The following CNTNAP3B variants were observed in gnomAD, a reference collection of about 807,000 sequenced individuals.
CNTNAP3B encodes the protein contactin-associated protein-like 3B.
Under a neutral mutation model 108.9 loss-of-function variants are expected in CNTNAP3B, and 25 were observed. The ratio of observed to expected loss-of-function variants is 0.23; its 90% CI spans 0.17 to 0.32. The LOEUF is 0.32. Ranked by LOEUF, CNTNAP3B falls within the 10% of genes least tolerant of loss-of-function variation. The pLI is 1.00. For synonymous variants in CNTNAP3B, 103 were observed against 473.4 expected, an observed-to-expected ratio of 0.22 and a Z score of 10.16; for missense variants, 252 against 1,210.4, an observed-to-expected ratio of 0.21 and a Z score of 11.75.
At chr9:42,125,405 C>A (rs1442705027) in intron 1 of CNTNAP3B, among the ~76,000 whole-genome samples, 1 of 141,892 alleles carries the variant, frequency 7.0e-6, no homozygotes, top group African/African-American at 2.8e-5. Flanking sequence ...CTGCTGGTTT[C>A]TGAATGCTCT....
At chr9:42,083,021 G>A (rs1360039511) in intron 2 of CNTNAP3B, among the ~76,000 whole-genome samples, 1 of 139,458 alleles carries the variant, frequency 7.2e-6, no homozygotes, top group Non-Finnish European at 1.5e-5. Flanking sequence ...GCTAATAATA[G>A]TTTTTAAAAA....
chr9:42,111,079 TG>T lies in CNTNAP3B; in HGVS notation c.86-6341del, dbSNP rs1225112063. ...TCTGAAGGGGGCTCACCCTACCACC[TG>T]GGGCCAGCACAGGGACAAGCCTCAG... On this transcript the variant is annotated intron_variant, in intron 1 of 23. Coordinates refer to ENST00000377561, the MANE Select transcript of CNTNAP3B (RefSeq NM_001201380.3). 4.3e-5 allele frequency among the ~76,000 whole-genome samples: 6 copies of T among 138,396 alleles called. 2 individuals are homozygous for T. The highest frequency in any genetic ancestry group is 9.3e-5 in the Non-Finnish European group (6 of 64,720). 90.8% of individuals were successfully genotyped at this position (138,396 alleles called of 152,430 possible).
At position 42,053,312 on chromosome 9, in the gene CNTNAP3B, G is replaced by A. The variant is rs562403228; in HGVS notation, c.390+23557C>T. Among the ~76,000 whole-genome samples, 7 of 119,544 alleles carry A rather than the reference G, an allele frequency of 5.9e-5. 1 individual carries two copies. The Admixed American group carries it at 5.9e-4, about 10-fold the overall frequency. The allele number at this position is 119,544 out of a possible 152,430, so 78.4% of individuals were successfully genotyped here. On this transcript the variant is annotated intron_variant, in intron 3 of 23. Coordinates refer to ENST00000377561, the MANE Select transcript of CNTNAP3B (RefSeq NM_001201380.3). ...TGAAATGAGCAATAATATTCTGAAT[G>A]TAAAGATAGCCTAAATGACATGTTT...
chr9:41,926,911 A>G (rs1357373854), intron 15 of CNTNAP3B: 2 of 152,338 alleles, frequency 1.3e-5, no homozygotes, highest in African/African-American at 2.4e-5. Context: ...GTTTTTGAGA[A>G]GTACAGAGTA....
At chr9:42,051,878 A>G (rs1312643500) in intron 3 of CNTNAP3B, among the ~76,000 whole-genome samples, 1 of 152,158 alleles carries the variant, frequency 6.6e-6, no homozygotes, top group Non-Finnish European at 1.5e-5. Flanking sequence ...TTCAGTCAGA[A>G]GTTTAGCTAA....
At chr9:41,934,108 TATATATATATATATACACACAC>T (rs1824069555) in intron 14 of CNTNAP3B, among the ~76,000 whole-genome samples, 1 of 127,556 alleles carries the variant, frequency 7.8e-6, no homozygotes, top group African/African-American at 3.1e-5. Context: ...TACATATATA[TATATATATATATATACACACAC>T]ATATATATAT....
At chr9:41,959,064 C>T (rs1408684800) in intron 12 of CNTNAP3B, among the ~76,000 whole-genome samples, 2 of 142,364 alleles carry the variant, frequency 1.4e-5, no homozygotes, top group Middle Eastern at 3.5e-3. Flanking sequence ...TGGAAGAAAA[C>T]TGTCATTCTG....
chr9:42,056,684 T>G (rs1175185906), intron 3 of CNTNAP3B, among the ~76,000 whole-genome samples: 1 of 136,434 alleles, frequency 7.3e-6, no homozygotes, highest in African/African-American at 2.9e-5. Context: ...TTTTTCTTCA[T>G]GTGGAATGCT....
intron 7 of CNTNAP3B, among the ~76,000 whole-genome samples, chr9:41,995,476 C>T (rs1825877734): frequency 1.5e-5 from 2 of 131,110 alleles, no homozygotes; most frequent in South Asian, 2.5e-4. Context: ...AAAAGTGCGC[C>T]TGTGGTCCTA....
intron 1 of CNTNAP3B, among the ~76,000 whole-genome samples, chr9:42,124,062 G>A (rs1177673897): frequency 7.3e-6 from 1 of 136,798 alleles, no homozygotes; most frequent in Admixed American, 7.3e-5. Context: ...CGTCTTCTTG[G>A]TAATTTAATT....
At chr9:41,966,283 GC>G (rs1825271574) in intron 10 of CNTNAP3B, among the ~76,000 whole-genome samples, 1 of 152,296 alleles carries the variant, frequency 6.6e-6, no homozygotes, top group Admixed American at 6.5e-5. Context: ...AAAAACCACT[GC>G]TGTTTGATAT....
chr9:42,093,388 T>C lies in CNTNAP3B; in HGVS notation c.196+11241A>G, dbSNP rs1268805021. 2.1e-5 allele frequency among the ~76,000 whole-genome samples: 2 copies of C among 95,590 alleles called. 1 individual carries two copies. Among genetic ancestry groups the C allele is most frequent in the East Asian group, 1.1e-3 (2 of 1,806 alleles). The allele number at this position is 95,590 out of a possible 152,430, so 62.7% of individuals were successfully genotyped here. A position where few individuals can be genotyped will look rare whatever the true frequency, so the allele number is the denominator to read the frequency against. On this transcript the variant is annotated intron_variant, in intron 2 of 23. Transcript: ENST00000377561. ...AAACAAATTAAAAAAAAACTACTAA[T>C]TATAATTTTTGCTTCAGCAGCACTC... is the stretch of plus-strand genomic sequence containing the variant.
intron 12 of CNTNAP3B, among the ~76,000 whole-genome samples, chr9:41,959,152 A>C (rs1824973011): frequency 6.8e-6 from 1 of 147,506 alleles, no homozygotes; most frequent in African/African-American, 2.6e-5. Context: ...TGGATCTAAA[A>C]AAATTGGTTA....
intron 12 of CNTNAP3B, among the ~76,000 whole-genome samples, chr9:41,958,315 TG>T (rs1824939641): frequency 6.6e-6 from 1 of 152,200 alleles, no homozygotes; most frequent in African/African-American, 2.4e-5. Context: ...TTGTTGTTTT[TG>T]TTGTTGTTGT....
At chr9:42,123,967 C>T (rs1401964803) in intron 1 of CNTNAP3B, among the ~76,000 whole-genome samples, 2 of 125,258 alleles carry the variant, frequency 1.6e-5, no homozygotes, top group Non-Finnish European at 3.3e-5. Context: ...CAAGTAATAT[C>T]CTCTGTTTTT....
At chr9:42,041,307 A>G (rs1390785394) in intron 3 of CNTNAP3B, among the ~76,000 whole-genome samples, 53 of 147,184 alleles carry the variant, frequency 3.6e-4, no homozygotes, top group African/African-American at 1.3e-3. Context: ...GGCAACCTAC[A>G]ACATGGGAGA....
At chr9:41,916,334 T>C (rs1395917212) in intron 18 of CNTNAP3B, among the ~76,000 whole-genome samples, 5 of 147,036 alleles carry the variant, frequency 3.4e-5, no homozygotes, top group African/African-American at 1.3e-4. Context: ...TACATTGCTT[T>C]TTAAAATAGT....
Position 42,037,590 on chromosome 9 carries a change from A to C in CNTNAP3B, c.391-24065T>G, listed in dbSNP as rs570675638. Among the ~76,000 whole-genome samples the C allele has an allele frequency of 6.0e-3, 711 of 118,802 alleles. 119 individuals carry two copies. Among genetic ancestry groups the C allele is most frequent in the African/African-American group, 0.024 (680 of 28,414 alleles). The allele number at this position is 118,802 out of a possible 152,430, so 77.9% of individuals were successfully genotyped here. On this transcript the variant is annotated intron_variant, in intron 3 of 23. Coordinates refer to ENST00000377561, the MANE Select transcript of CNTNAP3B (RefSeq NM_001201380.3). ...AGAGAAGTTTAGAGAAAAAAGAGTA[A>C]AAAGAAATGAACAAAGCCTCCAAGA...
At chr9:42,061,263 T>C (rs1377455757) in intron 3 of CNTNAP3B, among the ~76,000 whole-genome samples, 1 of 115,750 alleles carries the variant, frequency 8.6e-6, no homozygotes, top group African/African-American at 3.5e-5. Flanking sequence ...TTTGACCCAC[T>C]GGTTGTTCAG....
Sources: gnomAD v4.1 joint callset for allele counts (sites outside exome capture counted in the v4.1 genomes callset) on GRCh38, gnomAD v4.1.1 for gene constraint, MANE v1.5 for transcripts, NCBI Gene and HGNC (gene_info 2026-07-23, HGNC 2026-07-21) for gene names.